Variants in NBEA observed in about 807,000 individuals in gnomAD.
NBEA encodes neurobeachin, also known as lysosomal-trafficking regulator 2.
A neutral mutation model predicts 343.4 loss-of-function variants in NBEA; 44 were observed. That is an observed-to-expected ratio of 0.13 (90% CI 0.10 to 0.16). The LOEUF (loss-of-function observed/expected upper bound fraction) is 0.16, where lower values mean the gene tolerates loss of function less well. Among genes scored for constraint, NBEA ranks in the 10% least tolerant of loss-of-function variants. The pLI is 1.00. For synonymous variants in NBEA, 1,175 were observed against 1,238.7 expected, an observed-to-expected ratio of 0.95 and a Z score of 1.08; for missense variants, 2,555 against 3,631.3, an observed-to-expected ratio of 0.70 and a Z score of 7.62.
chr13:35,354,517 A>C (rs781051763), intron 38 of NBEA, among the ~76,000 whole-genome samples: 6 of 152,172 alleles, frequency 3.9e-5, no homozygotes, highest in Non-Finnish European at 7.4e-5. Flanking sequence ...CTGACATCTC[A>C]TTAGACTGAC....
intron 47 of NBEA, among the ~76,000 whole-genome samples, chr13:35,604,272 C>T (rs949675538): frequency 3.3e-5 from 5 of 152,236 alleles, no homozygotes; most frequent in African/African-American, 7.2e-5. Flanking sequence ...TCCATTTCCC[C>T]GTTCATATTG....
At position 35,164,415 on chromosome 13, in the gene NBEA, A is replaced by T. The variant is rs1433050116; in HGVS notation, c.4139A>T (p.His1380Leu). Reference protein sequence around the residue: ...VNSNENIIFVHNTIHLISQMV... With the variant: ...VNSNENIIFVLNTIHLISQMV... Reference sequence around the variant, plus strand: ...AGCAATGAAAATATTATTTTTGTACATAACACAATTCACCTCATTTCCCAA... The same window carrying T: ...AGCAATGAAAATATTATTTTTGTACTTAACACAATTCACCTCATTTCCCAA... Residue 1380 changes from histidine to leucine, a missense_variant, in exon 24 of 59, where the codon CAT becomes CTT. His to Leu is a moderately conservative substitution (Grantham distance 99, BLOSUM62 -3). This residue lies in a region of NBEA where 69 missense variants were observed against 128.8 expected (regional missense o/e 0.54). Coordinates refer to ENST00000379939, the MANE Select transcript of NBEA (RefSeq NM_001385012.1). 19 of 1,601,190 alleles carry T rather than the reference A, an allele frequency of 1.2e-5. No individual in the cohort carries two copies. Among genetic ancestry groups the T allele is most frequent in the Non-Finnish European group, 1.6e-5 (19 of 1,172,534 alleles).
chr13:35,257,711 A>C (rs560316056), intron 34 of NBEA, among the ~76,000 whole-genome samples: 2 of 152,140 alleles, frequency 1.3e-5, no homozygotes, highest in African/African-American at 2.4e-5. Context: ...AAAAAAATTT[A>C]TTTCCTGCTT....
At chr13:35,004,092 T>C (rs886762849) in intron 1 of NBEA, among the ~76,000 whole-genome samples, 4 of 152,218 alleles carry the variant, frequency 2.6e-5, no homozygotes, top group Admixed American at 2.6e-4. Flanking sequence ...TCCATGTCCC[T>C]GCAAAGGACA....
At chr13:35,355,935 A>G (rs552778935) in intron 38 of NBEA, among the ~76,000 whole-genome samples, 111 of 152,006 alleles carry the variant, frequency 7.3e-4, no homozygotes, top group Non-Finnish European at 1.4e-3. Context: ...CTAAAATTTC[A>G]TATATTTTAC....
intron 41 of NBEA, among the ~76,000 whole-genome samples, chr13:35,523,060 A>G (rs2077794205): frequency 6.6e-6 from 1 of 152,216 alleles, no homozygotes; most frequent in African/African-American, 2.4e-5. Context: ...TGAGTCCCAA[A>G]TGTTTAGTTT....
intron 45 of NBEA, among the ~76,000 whole-genome samples, chr13:35,568,470 T>C (rs2080238030): frequency 6.6e-6 from 1 of 152,148 alleles, no homozygotes; most frequent in Non-Finnish European, 1.5e-5. Context: ...AACTAAATTA[T>C]TTAAGATAAG....
At chr13:35,289,481 C>T (rs1248372305) in intron 34 of NBEA, among the ~76,000 whole-genome samples, 1 of 151,820 alleles carries the variant, frequency 6.6e-6, no homozygotes, top group African/African-American at 2.4e-5. Flanking sequence ...TATGTTGGCA[C>T]TTCGAAAAAC....
rs772675140 is a variant in NBEA, at chr13:35,109,358, T to C, written c.1749T>C (p.Gly583=). The C allele has an allele frequency of 1.2e-6, 2 of 1,612,550 alleles. No homozygotes were observed. The highest frequency in any genetic ancestry group is 1.1e-5 in the South Asian group (1 of 90,980). Residue 583 remains glycine, a synonymous_variant, in exon 12 of 59, where the codon GGT becomes GGC. Coordinates refer to ENST00000379939, the MANE Select transcript of NBEA (RefSeq NM_001385012.1). ...TATCTTTTGCAAAATACCTTGATGG[T>C]TTATCTCATGGAGCACCTTTGCTGA... ...QFLSFAKYLD[G]LSHGAPLLKQ...
intron 41 of NBEA, among the ~76,000 whole-genome samples, chr13:35,508,040 C>T (rs2077137841): frequency 6.6e-6 from 1 of 152,088 alleles, no homozygotes; most frequent in Non-Finnish European, 1.5e-5. Context: ...TTCATTATTA[C>T]CCTTAAAGAT....
intron 41 of NBEA, among the ~76,000 whole-genome samples, chr13:35,541,358 T>C (rs1192047564): frequency 6.6e-6 from 1 of 152,010 alleles, no homozygotes. Context: ...CTGTTCACCA[T>C]TGGTTCCTAA....
rs779780049 is a variant in NBEA, at chr13:35,056,072, T to C, written c.1035T>C (p.Tyr345=). 2.0e-5 allele frequency: 32 copies of C among 1,607,138 alleles called. No individual in the cohort carries two copies. The Admixed American group carries it at 4.4e-4, about 22-fold the overall frequency. The part of the protein sequence containing the change: ...NRWRNSEIRC[Y]VNGQLVSYGD... ...GGAGGAACAGTGAAATTCGGTGTTA[T>C]GTTAATGGACAACTGGTATCTTATG... The change falls in exon 7 of 59, where the codon TAT becomes TAC. Residue 345 remains tyrosine, a synonymous_variant. Coordinates refer to ENST00000379939, the MANE Select transcript of NBEA (RefSeq NM_001385012.1).
At chr13:35,057,964 A>G (rs1440923459) in intron 7 of NBEA, among the ~76,000 whole-genome samples, 3 of 152,026 alleles carry the variant, frequency 2.0e-5, no homozygotes, top group African/African-American at 7.2e-5. Flanking sequence ...CTTCTTACAT[A>G]TATAATTTTT....
chr13:35,080,708 G>A (rs1201487345), intron 10 of NBEA, among the ~76,000 whole-genome samples: 1 of 152,122 alleles, frequency 6.6e-6, no homozygotes. Flanking sequence ...ACTTAAATAG[G>A]TTTAGAAACA....
At chr13:35,122,214 T>C (rs539127080) in intron 16 of NBEA, among the ~76,000 whole-genome samples, 1 of 151,932 alleles carries the variant, frequency 6.6e-6, no homozygotes, top group South Asian at 2.1e-4. Context: ...ATATACTTGT[T>C]AAAAAAAACC....
chr13:35,106,837 A>G (rs2065941662), intron 11 of NBEA, among the ~76,000 whole-genome samples: 2 of 151,892 alleles, frequency 1.3e-5, no homozygotes, highest in South Asian at 4.2e-4. Context: ...TCATGGTCCA[A>G]GTTCCAAACT....
intron 1 of NBEA, among the ~76,000 whole-genome samples, chr13:34,980,844 A>G (rs2060332780): frequency 6.6e-6 from 1 of 152,126 alleles, no homozygotes; most frequent in Non-Finnish European, 1.5e-5. Context: ...TGATTTTTCT[A>G]CATTGATTGA....
intron 53 of NBEA, 65 bp from the exon 54 acceptor site, chr13:35,654,790 C>T: frequency 7.5e-7 from 1 of 1,336,626 alleles, no homozygotes; most frequent in Non-Finnish European, 1.0e-6. Flanking sequence ...TGTTTTCCTT[C>T]TTTGAGTGCT....
At chr13:35,036,386 G>C (rs959556855) in intron 1 of NBEA, among the ~76,000 whole-genome samples, 5 of 151,878 alleles carry the variant, frequency 3.3e-5, no homozygotes, top group African/African-American at 1.2e-4. Context: ...TATTATTTTT[G>C]CTTGGTTCAT....
Sources: allele counts gnomAD v4.1 joint callset (sites outside exome capture counted in the v4.1 genomes callset), GRCh38; gene constraint gnomAD v4.1.1; regional missense constraint gnomAD v4.1.1; transcripts MANE v1.5; gene names NCBI Gene and HGNC (gene_info 2026-07-23, HGNC 2026-07-21).